The following SLC28A3 variants were observed in gnomAD, a reference collection of about 807,000 sequenced individuals.
SLC28A3 encodes solute carrier family 28 member 3, also known as concentrative Na(+)-nucleoside cotransporter 3.
A neutral mutation model predicts 84.2 loss-of-function variants in SLC28A3; 68 were observed. That is an observed-to-expected ratio of 0.81 (90% CI 0.66 to 0.99). SLC28A3 has a LOEUF of 0.99. Among genes scored for constraint, SLC28A3 ranks in the 50% least tolerant of loss-of-function variants. The pLI, the probability that SLC28A3 is intolerant of heterozygous loss-of-function variation, is 0.00. For missense variants in SLC28A3, 712 were observed against 841.5 expected, an observed-to-expected ratio of 0.85 and a Z score of 1.90; for synonymous variants, 267 against 303.6, an observed-to-expected ratio of 0.88 and a Z score of 1.25.
chr9:84,303,803 G>A (rs1825707540), intron 4 of SLC28A3, among the ~76,000 whole-genome samples: 1 of 152,168 alleles, frequency 6.6e-6, no homozygotes, highest in African/African-American at 2.4e-5. Context: ...TGGTAACACT[G>A]CTATTTTTTA....
intron 8 of SLC28A3, among the ~76,000 whole-genome samples, chr9:84,295,261 G>A (rs186434528): frequency 5.9e-5 from 9 of 152,082 alleles, no homozygotes; most frequent in Non-Finnish European, 1.0e-4. Flanking sequence ...ACTGCATTTT[G>A]GAAGCTACTT....
In SLC28A3 at chr9:84,340,606, T is replaced by C; in HGVS notation, c.28A>G (p.Arg10Gly). The stretch of plus-strand genomic sequence containing the variant: ...CCCACGTTGCTGTAGCCCTCAGCTC[T>C]GGGGGCTGCTGTACTCCTCAGCTCC... MELRSTAAP[R>G]AEGYSNVGFQ... Residue 10 changes from arginine to glycine, a missense_variant, in exon 1 of 18, where the codon AGA (arginine) becomes GGA (glycine). Arg to Gly is a moderately radical substitution (Grantham distance 125). Transcript: ENST00000376238. 3 of 1,614,190 alleles carry C rather than the reference T, an allele frequency of 1.9e-6. No individual in the cohort carries two copies. The highest frequency in any genetic ancestry group is 2.5e-6 in the Non-Finnish European group (3 of 1,180,020).
intron 1 of SLC28A3, among the ~76,000 whole-genome samples, chr9:84,330,466 T>C (rs1034351892): frequency 3.3e-5 from 5 of 152,174 alleles, no homozygotes. Context: ...GGTGATCCAA[T>C]AGAATAACCA....
At chr9:84,366,822 G>C in the SLC28A3 span, among the ~76,000 whole-genome samples, 4 of 152,170 alleles carry the variant, frequency 2.6e-5, no homozygotes, top group African/African-American at 9.7e-5. Context: ...CACTGTGACT[G>C]TGCTGGGTCA....
the SLC28A3 span, among the ~76,000 whole-genome samples, chr9:84,349,697 T>C: frequency 1.1e-4 from 17 of 152,172 alleles, no homozygotes; most frequent in Non-Finnish European, 2.2e-4. Context: ...CAGTGTTCAG[T>C]AGGGTAAGTA....
At position 84,313,447 on chromosome 9, in the gene SLC28A3, T is replaced by C; in HGVS notation, c.68A>G (p.Glu23Gly). ...GYSNVGFQNE[E>G]NFLENENTSG... ...TGTGTTCTCGTTCTCAAGAAAGTTT[T>C]CTTCATTCTAAGAAAAAAGTGCAGA... The change falls in exon 2 of 18, where the codon GAA (glutamate) becomes GGA (glycine). Residue 23 changes from glutamate to glycine, a missense_variant. Glu to Gly is a moderately conservative substitution (Grantham distance 98). Transcript: ENST00000376238. The C allele has an allele frequency of 6.2e-7, 1 of 1,613,748 alleles. No individual in the cohort carries two copies. The highest frequency in any genetic ancestry group is 1.7e-5 in the Admixed American group (1 of 59,892).
the SLC28A3 span, among the ~76,000 whole-genome samples, chr9:84,350,338 A>G: frequency 2.6e-5 from 4 of 152,252 alleles, no homozygotes; most frequent in African/African-American, 9.6e-5. Flanking sequence ...GCTACTCGGG[A>G]GGCTGAGGCA....
At chr9:84,327,491 A>G (rs1826609192) in intron 1 of SLC28A3, among the ~76,000 whole-genome samples, 1 of 152,180 alleles carries the variant, frequency 6.6e-6, no homozygotes. Flanking sequence ...ACACAGACTC[A>G]TGATAGCCTC....
At position 84,277,883 on chromosome 9, in the gene SLC28A3, A is replaced by G. The variant is rs545162752; in HGVS notation, c.*335T>C. ...CACTAAGTGGGTGTGGGTGAGTCAG[A>G]GCCCAGTTGTTGGGAGCGGCCGTTT... On this transcript the variant is annotated 3_prime_UTR_variant, in exon 18 of 18. Transcript: ENST00000376238. 2 of 244,074 alleles carry G rather than the reference A, an allele frequency of 8.2e-6. No individual in the cohort carries two copies. Among genetic ancestry groups the G allele is most frequent in the East Asian group, 1.8e-4 (2 of 11,158 alleles). The allele number at this position is 244,074 out of a possible 1,614,324, so 15.1% of individuals were successfully genotyped here.
the SLC28A3 span, among the ~76,000 whole-genome samples, chr9:84,352,754 A>T: frequency 2.6e-5 from 4 of 151,562 alleles, no homozygotes; most frequent in African/African-American, 9.7e-5. Context: ...TTAGTGGGGC[A>T]TGGTGGCAGT....
chr9:84,295,068 C>A (rs868393551), intron 8 of SLC28A3, among the ~76,000 whole-genome samples: 17 of 152,070 alleles, frequency 1.1e-4, no homozygotes, highest in African/African-American at 3.9e-4. Flanking sequence ...CATGTGAGTC[C>A]CCCTCAATAA....
At position 84,338,197 on chromosome 9, in the gene SLC28A3, G is replaced by T. The variant is rs148166893; in HGVS notation, c.60+2377C>A. Among the ~76,000 whole-genome samples, 976 of 152,334 alleles carry T rather than the reference G, an allele frequency of 6.4e-3. 9 individuals are homozygous for T. The highest frequency in any genetic ancestry group is 0.022 in the African/African-American group (931 of 41,580). ...TTTGAAGAAGAAAAATGAATTTCTA[G>T]CACAATTCACAGACTAGGACAAGGT... On this transcript the variant is annotated intron_variant, in intron 1 of 17. Transcript: ENST00000376238.
chr9:84,360,190 G>A, the SLC28A3 span, among the ~76,000 whole-genome samples: 32 of 152,108 alleles, frequency 2.1e-4, no homozygotes, highest in Admixed American at 1.8e-3. Flanking sequence ...ATGGGAAGCC[G>A]CTGGGAGGTT....
At chr9:84,314,938 G>A (rs564442494) in intron 1 of SLC28A3, among the ~76,000 whole-genome samples, 116 of 152,292 alleles carry the variant, frequency 7.6e-4, no homozygotes, top group African/African-American at 2.4e-3. Context: ...TTAGCTGGGC[G>A]TGGTGGCAGG....
chr9:84,288,208 T>C lies in SLC28A3; in HGVS notation c.1150-30A>G, dbSNP rs11568408. 2.2e-4 allele frequency: 352 copies of C among 1,613,060 alleles called. No homozygotes were observed. The African/African-American group carries it at 4.4e-3, about 20-fold the overall frequency. On this transcript the variant is annotated intron_variant, in intron 11 of 17. Transcript: ENST00000376238. Reference sequence around the variant, plus strand: ...AATTTCAGAAGAAAGAAGGCAAACCTGGGATTAGCTTTTTTCTTGTGTTCA... The same window carrying C: ...AATTTCAGAAGAAAGAAGGCAAACCCGGGATTAGCTTTTTTCTTGTGTTCA...
chr9:84,364,441 T>C, the SLC28A3 span, among the ~76,000 whole-genome samples: 5 of 152,172 alleles, frequency 3.3e-5, no homozygotes, highest in Admixed American at 1.3e-4. Context: ...CAGCCTGGTC[T>C]TGAACTCTTG....
chr9:84,354,597 C>T, the SLC28A3 span, among the ~76,000 whole-genome samples: 9 of 152,226 alleles, frequency 5.9e-5, no homozygotes, highest in Non-Finnish European at 1.2e-4. Flanking sequence ...CCAGTAATCC[C>T]GGCACTTTAG....
the SLC28A3 span, among the ~76,000 whole-genome samples, chr9:84,348,728 G>T: frequency 6.6e-6 from 1 of 152,120 alleles, no homozygotes; most frequent in Non-Finnish European, 1.5e-5. Flanking sequence ...CTGAGGAGTG[G>T]GTTAGTTATC....
chr9:84,337,692 T>C (rs1827030129), intron 1 of SLC28A3, among the ~76,000 whole-genome samples: 1 of 152,224 alleles, frequency 6.6e-6, no homozygotes, highest in Non-Finnish European at 1.5e-5. Flanking sequence ...AAACGTCTTA[T>C]TTGCAACTAC....
Sources: gnomAD v4.1 joint callset for allele counts (sites outside exome capture counted in the v4.1 genomes callset) on GRCh38, gnomAD v4.1.1 for gene constraint, MANE v1.5 for transcripts, NCBI Gene and HGNC (gene_info 2026-07-23, HGNC 2026-07-21) for gene names.